The following TLCD4 variants were observed in gnomAD, a reference collection of about 807,000 sequenced individuals.
TLCD4 encodes the protein TLC domain-containing protein 4.
Under a neutral mutation model 24.2 loss-of-function variants are expected in TLCD4, and 7 were observed. The observed-to-expected ratio is 0.29, with a 90% CI of 0.16 to 0.54. TLCD4 has a LOEUF of 0.54. TLCD4 is among the 20% of genes least tolerant of loss of function. The pLI is 0.95. For missense variants in TLCD4, 259 were observed against 313.9 expected (o/e 0.82, Z 1.32); for synonymous variants, 103 against 106.4 (o/e 0.97, Z 0.20).
intron 6 of TLCD4, among the ~76,000 whole-genome samples, chr1:95,187,756 A>G (rs6659370): frequency 0.99 from 150,088 of 152,212 alleles, 74,025 homozygotes; most frequent in East Asian, 1. Context: ...TTTGTTGGGG[A>G]CTGCCATAAA....
At chr1:95,124,313 A>C (rs890364833) in intron 1 of TLCD4, among the ~76,000 whole-genome samples, 1 of 152,224 alleles carries the variant, frequency 6.6e-6, no homozygotes, top group African/African-American at 2.4e-5. Context: ...AGCAAAGAGA[A>C]GAGGCAAATG....
chr1:95,177,360 G>T (rs1678470164), intron 6 of TLCD4, among the ~76,000 whole-genome samples: 1 of 152,168 alleles, frequency 6.6e-6, no homozygotes, highest in African/African-American at 2.4e-5. Flanking sequence ...TTAGTACAGG[G>T]GTAACACAGT....
In TLCD4 at chr1:95,173,819, A is replaced by C; in HGVS notation, c.403A>C (p.Asn135His). Residue 135 changes from asparagine to histidine, a missense_variant, in exon 6 of 7, where the codon AAT becomes CAT. Asn to His is a moderately conservative substitution (Grantham distance 68, BLOSUM62 1). Coordinates refer to ENST00000370203, the MANE Select transcript of TLCD4 (RefSeq NM_152487.3). ...SLYAYYLVLKNGVLAYIGNFR... is the reference protein window; with the variant it reads ...SLYAYYLVLKHGVLAYIGNFR... ...GTGTTTTATGTTTATCATTCAGAAAAATGGAGTGCTGGCATACATTGGGAA... is the reference window on the plus strand; with the variant it reads ...GTGTTTTATGTTTATCATTCAGAAACATGGAGTGCTGGCATACATTGGGAA... 6.2e-7 allele frequency: 1 copy of C among 1,614,102 alleles called. No individual in the cohort carries two copies. The highest frequency in any genetic ancestry group is 8.5e-7 in the Non-Finnish European group (1 of 1,180,004).
At chr1:95,180,088 A>G (rs1571779552) in intron 6 of TLCD4, among the ~76,000 whole-genome samples, 1 of 152,212 alleles carries the variant, frequency 6.6e-6, no homozygotes, top group South Asian at 2.1e-4. Flanking sequence ...GTGTCCACAC[A>G]TTATCTGGCA....
chr1:95,140,002 A>C (rs918817224), intron 1 of TLCD4, among the ~76,000 whole-genome samples: 1 of 152,144 alleles, frequency 6.6e-6, no homozygotes, highest in Non-Finnish European at 1.5e-5. Context: ...CTTCAGGGAT[A>C]ATAACACACA....
At chr1:95,159,326 A>C (rs1411253881) in intron 5 of TLCD4, among the ~76,000 whole-genome samples, 1 of 152,210 alleles carries the variant, frequency 6.6e-6, no homozygotes, top group Non-Finnish European at 1.5e-5. Flanking sequence ...GTATCTGTTC[A>C]TATCCTTTGG....
intron 5 of TLCD4, among the ~76,000 whole-genome samples, chr1:95,160,706 G>A (rs138022929): frequency 1.8e-4 from 27 of 152,246 alleles, no homozygotes; most frequent in African/African-American, 4.1e-4. Context: ...AGAGTTTTTC[G>A]CATGAAGGCT....
chr1:95,139,868 A>G (rs893107970), intron 1 of TLCD4, among the ~76,000 whole-genome samples: 1 of 152,132 alleles, frequency 6.6e-6, no homozygotes, highest in Non-Finnish European at 1.5e-5. Context: ...TTTTACAATT[A>G]TGTTATTATT....
chr1:95,109,021 A>C, the TLCD4 span, among the ~76,000 whole-genome samples: 1 of 152,054 alleles, frequency 6.6e-6, no homozygotes, highest in Non-Finnish European at 1.5e-5. Context: ...GTTTTCATTG[A>C]TATTGTAATA....
At chr1:95,122,958 C>G (rs962885691) in intron 1 of TLCD4, among the ~76,000 whole-genome samples, 17 of 151,584 alleles carry the variant, frequency 1.1e-4, no homozygotes, top group African/African-American at 4.1e-4. Context: ...TAAAGTGTTA[C>G]TTTATGGACA....
intron 5 of TLCD4, among the ~76,000 whole-genome samples, chr1:95,172,593 T>G (rs1223059515): frequency 1.3e-5 from 2 of 152,188 alleles, no homozygotes; most frequent in Non-Finnish European, 2.9e-5. Context: ...CCAGTATTGC[T>G]AAGGATAATG....
intron 1 of TLCD4, among the ~76,000 whole-genome samples, chr1:95,122,830 TA>T (rs1457569689): frequency 6.6e-6 from 1 of 152,186 alleles, no homozygotes; most frequent in Non-Finnish European, 1.5e-5. Context: ...TTTCTCCAAA[TA>T]GGCTGAAAAA....
intron 5 of TLCD4, among the ~76,000 whole-genome samples, chr1:95,165,694 G>C (rs1397072959): frequency 1.3e-5 from 2 of 152,132 alleles, no homozygotes; most frequent in Non-Finnish European, 2.9e-5. Context: ...TCAAAGTCCT[G>C]ACCTCAGGTG....
intron 1 of TLCD4, among the ~76,000 whole-genome samples, chr1:95,137,676 C>T (rs978492343): frequency 1.3e-5 from 2 of 151,784 alleles, no homozygotes; most frequent in South Asian, 2.1e-4. Flanking sequence ...CTTCCTTCTT[C>T]CTCTCTGTCC....
intron 5 of TLCD4, among the ~76,000 whole-genome samples, chr1:95,169,622 A>G (rs1254204004): frequency 2.6e-5 from 3 of 115,652 alleles, no homozygotes; most frequent in Non-Finnish European, 5.3e-5. Context: ...TCTTAAATAT[A>G]GTATACTTCA....
the TLCD4 span, among the ~76,000 whole-genome samples, chr1:95,104,536 G>A: frequency 6.6e-6 from 1 of 151,458 alleles, no homozygotes; most frequent in Non-Finnish European, 1.5e-5. Context: ...AAGGTGGCGG[G>A]TGCCTGTAGT....
At chr1:95,177,912 G>A (rs1678485391) in intron 6 of TLCD4, among the ~76,000 whole-genome samples, 1 of 150,422 alleles carries the variant, frequency 6.6e-6, no homozygotes, top group Non-Finnish European at 1.5e-5. Flanking sequence ...GATTAGCCTG[G>A]ATCAACTGTC....
At chr1:95,168,625 A>G (rs1379394178) in intron 5 of TLCD4, among the ~76,000 whole-genome samples, 1 of 135,806 alleles carries the variant, frequency 7.4e-6, no homozygotes, top group African/African-American at 2.8e-5. Flanking sequence ...CTGGGCTCAA[A>G]TGATCCTCCT....
chr1:95,162,055 T>C (rs1677828973), intron 5 of TLCD4, among the ~76,000 whole-genome samples: 1 of 152,188 alleles, frequency 6.6e-6, no homozygotes, highest in Non-Finnish European at 1.5e-5. Flanking sequence ...CTGGATATCC[T>C]GGTAACTTTC....
Sources: gnomAD v4.1 joint callset for allele counts (sites outside exome capture counted in the v4.1 genomes callset) on GRCh38, gnomAD v4.1.1 for gene constraint, MANE v1.5 for transcripts, NCBI Gene and HGNC (gene_info 2026-07-23, HGNC 2026-07-21) for gene names.